Variants in FRAS1 observed in about 807,000 individuals in gnomAD.
The protein encoded by FRAS1 is Fraser extracellular matrix complex subunit 1, also known as extracellular matrix organizing protein FRAS1.
A neutral mutation model predicts 435.2 loss-of-function variants in FRAS1; 290 were observed. The observed-to-expected ratio is 0.67, with a 90% CI of 0.61 to 0.73. FRAS1 has a LOEUF of 0.73. Ranked by LOEUF, FRAS1 falls within the 30% of genes least tolerant of loss-of-function variation. The pLI, the probability that FRAS1 is intolerant of heterozygous loss-of-function variation, is 0.00. For missense variants in FRAS1, 4,860 were observed against 5,001.5 expected, an observed-to-expected ratio of 0.97 and a Z score of 0.85; for synonymous variants, 1,800 against 1,851.0, an observed-to-expected ratio of 0.97 and a Z score of 0.71.
chr4:78,462,586 A>G (rs1348927879), intron 47 of FRAS1, among the ~76,000 whole-genome samples: 2 of 152,188 alleles, frequency 1.3e-5, no homozygotes, highest in East Asian at 1.9e-4. Context: ...AATCCAGATG[A>G]GATTTTCCTG....
In FRAS1 at chr4:78,369,932, C is replaced by G. The variant is rs1237930983; in HGVS notation, c.2817C>G (p.Tyr939Ter). The G allele has an allele frequency of 6.2e-7, 1 of 1,613,788 alleles. No individual in the cohort carries two copies. Among genetic ancestry groups the G allele is most frequent in the South Asian group, 1.1e-5 (1 of 91,040 alleles). ...TTCTGCTCTTTGGGGAATGTCAATA[C>G]GAGAGCTGCGCCCCACAGTACTATC... ...NKVLLFGECQ[Y>*]ESCAPQYYLD... The change falls in exon 23 of 74, where the codon TAC (tyrosine) becomes TAG (stop). Residue 939 changes from tyrosine (Y) to a stop codon, truncating the protein, a stop_gained. Coordinates refer to ENST00000512123, the MANE Select transcript of FRAS1 (RefSeq NM_025074.7). LOFTEE classifies it high-confidence loss of function.
At position 78,438,553 on chromosome 4, in the gene FRAS1, C is replaced by CA. The variant is rs1678353885; in HGVS notation, c.5218-16dup. 6.2e-7 allele frequency: 1 copy of CA among 1,613,580 alleles called. No individual in the cohort carries two copies. On this transcript the variant is annotated splice_polypyrimidine_tract_variant and intron_variant, in intron 38 of 73. Coordinates refer to ENST00000512123, the MANE Select transcript of FRAS1 (RefSeq NM_025074.7). The stretch of plus-strand genomic sequence containing the variant: ...GCAAATGTGCGTTCATGTCCTGCCT[C>CA]ATGTTTGCCTCATTAGGATGATTCT...
intron 15 of FRAS1, among the ~76,000 whole-genome samples, chr4:78,312,879 G>GAGAGAGAGAGAAAGAA (rs143465313): frequency 7.2e-4 from 93 of 129,136 alleles, no homozygotes; most frequent in Non-Finnish European, 9.7e-4. Flanking sequence ...GAGAGAGAGA[G>GAGAGAGAGAGAAAGAA]AGAAAGAAAG....
chr4:78,256,617 G>A lies in FRAS1; in HGVS notation c.603+1242G>A, dbSNP rs79235230. On this transcript the variant is annotated intron_variant, in intron 6 of 73. Transcript: ENST00000512123. ...AGCTACTGGAATAATTGAAAGTACT[G>A]TTTCTCATATTTAAAATCATTAAAC... Among the ~76,000 whole-genome samples, 422 of 152,212 alleles carry A rather than the reference G, an allele frequency of 2.8e-3. 2 individuals are homozygous for A. The highest frequency in any genetic ancestry group is 9.8e-3 in the African/African-American group (405 of 41,538).
At chr4:78,523,251 G>T (rs1721442387) in intron 69 of FRAS1, among the ~76,000 whole-genome samples, 1 of 152,158 alleles carries the variant, frequency 6.6e-6, no homozygotes, top group Admixed American at 6.5e-5. Flanking sequence ...ACCTATGGTG[G>T]GGAACTTAGT....
At chr4:78,210,741 A>G (rs1464168615) in intron 2 of FRAS1, among the ~76,000 whole-genome samples, 1 of 152,246 alleles carries the variant, frequency 6.6e-6, no homozygotes, top group African/African-American at 2.4e-5. Context: ...CAGAGAAGGT[A>G]AGTGAATTAT....
At chr4:78,127,720 A>G (rs1261907875) in intron 2 of FRAS1, among the ~76,000 whole-genome samples, 1 of 152,174 alleles carries the variant, frequency 6.6e-6, no homozygotes, top group East Asian at 1.9e-4. Context: ...AGGATGATGA[A>G]GTAAGTTTTT....
At position 78,317,223 on chromosome 4, in the gene FRAS1, T is replaced by G. The variant is rs146582270; in HGVS notation, c.1820-145T>G. 3.5e-4 allele frequency: 307 copies of G among 882,232 alleles called. 3 individuals carry two copies. The highest frequency in any genetic ancestry group is 3.2e-3 in the Middle Eastern group (11 of 3,486). The allele number at this position is 882,232 out of a possible 1,614,324, so 54.7% of individuals were successfully genotyped here. On this transcript the variant is annotated intron_variant, in intron 16 of 73. Coordinates refer to ENST00000512123, the MANE Select transcript of FRAS1 (RefSeq NM_025074.7). The stretch of plus-strand genomic sequence containing the variant: ...GGCCATGTGGGCAGTTCTGGCAGTG[T>G]AACCACCTCCTAACACATTTTCCCC...
chr4:78,084,079 T>C (rs958115526), intron 2 of FRAS1, among the ~76,000 whole-genome samples: 1 of 152,042 alleles, frequency 6.6e-6, no homozygotes, highest in African/African-American at 2.4e-5. Flanking sequence ...ATCAGTGAGG[T>C]TTTCTCTTTT....
intron 42 of FRAS1, chr4:78,446,476 A>G: frequency 7.8e-7 from 1 of 1,284,326 alleles, no homozygotes; most frequent in Non-Finnish European, 9.8e-7. Flanking sequence ...AAATATGGTC[A>G]TTGTACTTAC....
chr4:78,426,095 A>T (rs1182865202), intron 35 of FRAS1, among the ~76,000 whole-genome samples: 1 of 152,254 alleles, frequency 6.6e-6, no homozygotes, highest in East Asian at 1.9e-4. Context: ...TCTCAAAAAA[A>T]AAGTAGATGA....
At chr4:78,215,183 T>TTTATTATTATTATTA (rs147112471) in intron 2 of FRAS1, among the ~76,000 whole-genome samples, 15 of 148,994 alleles carry the variant, frequency 1.0e-4, no homozygotes, top group African/African-American at 3.5e-4. Context: ...ATTTACCATC[T>TTTATTATTATTATTA]TTATTATTAT....
chr4:78,308,289 A>G (rs763505819), intron 15 of FRAS1, 80 bp downstream of exon 15: 12 of 1,391,460 alleles, frequency 8.6e-6, no homozygotes, highest in Non-Finnish European at 1.2e-5. Flanking sequence ...ATCATAGCAC[A>G]TTACCAATGT....
At chr4:78,473,367 G>T in intron 52 of FRAS1, 71 bp from the exon 53 acceptor site, 1 of 1,248,456 alleles carries the variant, frequency 8.0e-7, no homozygotes, top group Non-Finnish European at 1.1e-6. Flanking sequence ...AACTAGGTTT[G>T]TTGGTGTGGT....
At chr4:78,459,833 G>A (rs894860478) in intron 47 of FRAS1, among the ~76,000 whole-genome samples, 7 of 152,142 alleles carry the variant, frequency 4.6e-5, no homozygotes, top group African/African-American at 1.7e-4. Flanking sequence ...TCTTGTTCAT[G>A]TGGTGTTCTC....
At chr4:78,220,788 C>T (rs1040420781) in intron 2 of FRAS1, among the ~76,000 whole-genome samples, 5 of 152,176 alleles carry the variant, frequency 3.3e-5, no homozygotes, top group Non-Finnish European at 5.9e-5. Context: ...CTCAAGAATA[C>T]AGACATTTCT....
At chr4:78,357,277 C>T (rs77219173) in intron 20 of FRAS1, among the ~76,000 whole-genome samples, 1,541 of 152,258 alleles carry the variant, frequency 0.01, 13 homozygotes, top group Non-Finnish European at 0.014. Context: ...TTCTACAGGA[C>T]GTTTGTAACA....
At chr4:78,252,611 G>A in intron 5 of FRAS1, 60 bp downstream of exon 5, 2 of 1,467,364 alleles carry the variant, frequency 1.4e-6, no homozygotes, top group Non-Finnish European at 1.9e-6. Context: ...TGGCTATCGG[G>A]GGAACCAGCC....
intron 35 of FRAS1, among the ~76,000 whole-genome samples, chr4:78,428,083 G>C (rs1734062958): frequency 6.6e-6 from 1 of 152,202 alleles, no homozygotes; most frequent in Non-Finnish European, 1.5e-5. Flanking sequence ...AAAAGATAGG[G>C]TGTTAAGTTA....
Sources: gnomAD v4.1 joint callset for allele counts (sites outside exome capture counted in the v4.1 genomes callset) on GRCh38, gnomAD v4.1.1 for gene constraint, MANE v1.5 for transcripts, NCBI Gene and HGNC (gene_info 2026-07-23, HGNC 2026-07-21) for gene names.